The following SBK1 variants were observed in gnomAD, a reference collection of about 807,000 sequenced individuals.
The protein encoded by SBK1 is serine/threonine-protein kinase SBK1.
A neutral mutation model predicts 24.4 loss-of-function variants in SBK1; 11 were observed. That is an observed-to-expected ratio of 0.45 (90% CI 0.28 to 0.75). SBK1 has a LOEUF of 0.75. Among genes scored for constraint, SBK1 ranks in the 30% least tolerant of loss-of-function variants. The pLI is 0.12. For synonymous variants in SBK1, 308 were observed against 284.4 expected, an observed-to-expected ratio of 1.08 and a Z score of -0.83; for missense variants, 467 against 620.5, an observed-to-expected ratio of 0.75 and a Z score of 2.63.
rs1029809838 is a variant in SBK1, at chr16:28,320,792, A to G, written c.1146A>G (p.Pro382=). 15 of 1,420,252 alleles carry G rather than the reference A, an allele frequency of 1.1e-5. No individual in the cohort carries two copies. The highest frequency in any genetic ancestry group is 7.7e-5 in the African/African-American group (5 of 65,358). 88.0% of individuals were successfully genotyped at this position (1,420,252 alleles called of 1,614,324 possible). Residue 382 remains proline (P), a synonymous_variant, in exon 4 of 4, where the codon CCA becomes CCG. Coordinates refer to ENST00000341901, the MANE Select transcript of SBK1 (RefSeq NM_001024401.3). The surrounding 1 kb of genome is among the most constrained non-coding windows in gnomAD (Gnocchi z 8.5). ...CCTTGCCCGTGCCGGTGCCGGTGCCAGTGCCCGTGCCGGTGCCTGTGCCCG... is the reference window on the plus strand; with the variant it reads ...CCTTGCCCGTGCCGGTGCCGGTGCCGGTGCCCGTGCCGGTGCCTGTGCCCG... ...SVPLPVPVPV[P]VPVPVPVPEP... is the part of the protein sequence containing the mutation.
At chr16:28,287,391 G>A (rs1215179344) in intron 1 of SBK1, among the ~76,000 whole-genome samples, 1 of 150,752 alleles carries the variant, frequency 6.6e-6, no homozygotes, top group East Asian at 1.9e-4. Flanking sequence ...GGAGGCTGCA[G>A]TGAGCCGAGA....
chr16:28,274,357 C>T (rs1174450518), intron 1 of SBK1, among the ~76,000 whole-genome samples: 1 of 151,876 alleles, frequency 6.6e-6, no homozygotes, highest in African/African-American at 2.4e-5. Flanking sequence ...AATTCAAACG[C>T]GTTCTGCTCA....
chr16:28,310,209 G>A (rs527475313), intron 1 of SBK1, among the ~76,000 whole-genome samples: 1 of 152,316 alleles, frequency 6.6e-6, no homozygotes, highest in Admixed American at 6.5e-5. Flanking sequence ...AGGTGTGTGC[G>A]CCCTTCCTCC....
chr16:28,297,789 T>G (rs1201021131), intron 1 of SBK1, among the ~76,000 whole-genome samples: 2 of 152,170 alleles, frequency 1.3e-5, no homozygotes, highest in African/African-American at 2.4e-5. Flanking sequence ...CAGTTACTCT[T>G]CCTTGGGAGC....
At chr16:28,309,049 C>T (rs929857731) in intron 1 of SBK1, among the ~76,000 whole-genome samples, 4 of 152,092 alleles carry the variant, frequency 2.6e-5, no homozygotes, top group South Asian at 2.1e-4. Context: ...CAAACATGAT[C>T]GAAGTTTCCC....
chr16:28,303,932 C>T (rs1404587184), intron 1 of SBK1, among the ~76,000 whole-genome samples: 1 of 152,092 alleles, frequency 6.6e-6, no homozygotes, highest in African/African-American at 2.4e-5. Context: ...TGTGTTTCAC[C>T]AAGAAGCAGC....
intron 1 of SBK1, among the ~76,000 whole-genome samples, chr16:28,309,691 G>A (rs2044740907): frequency 6.6e-6 from 1 of 152,148 alleles, no homozygotes; most frequent in Non-Finnish European, 1.5e-5. Context: ...GAGCCTGGGG[G>A]TTCAAGACCA....
chr16:28,260,569 T>A (rs563333645), intron 1 of SBK1, among the ~76,000 whole-genome samples: 1 of 152,224 alleles, frequency 6.6e-6, no homozygotes, highest in East Asian at 1.9e-4. Flanking sequence ...CTGGGCTGGG[T>A]TCCTCCCTGA....
intron 1 of SBK1, among the ~76,000 whole-genome samples, chr16:28,282,316 G>A (rs934252618): frequency 2.0e-5 from 3 of 152,088 alleles, no homozygotes; most frequent in African/African-American, 7.2e-5. Context: ...GCTGCCGGGT[G>A]GGCTCTGGGG....
rs1567670320 is a variant in SBK1, at chr16:28,271,647, CAAATAA to C, written c.257+12146_257+12151del. Among the ~76,000 whole-genome samples the C allele has an allele frequency of 2.0e-5, 3 of 152,220 alleles. No homozygotes were observed. The East Asian group carries it at 5.8e-4, about 29-fold the overall frequency. On this transcript the variant is annotated intron_variant, in intron 1 of 3. Transcript: ENST00000671413. ...AGAAGAGAATCTCGCAGTTCACACT[CAAATAA>C]GAGAAGAGATCTCTTCAAGGAGATG...
intron 1 of SBK1, among the ~76,000 whole-genome samples, chr16:28,266,946 G>A (rs536338651): frequency 4.4e-4 from 67 of 151,542 alleles, no homozygotes; most frequent in African/African-American, 1.5e-3. Context: ...TCACTCTGTC[G>A]CCCAGGCTGG....
intron 1 of SBK1, among the ~76,000 whole-genome samples, chr16:28,282,847 T>G (rs1223442846): frequency 6.6e-6 from 1 of 152,130 alleles, no homozygotes; most frequent in Non-Finnish European, 1.5e-5. Context: ...TACCCTGGGG[T>G]GCTGAGGAAA....
chr16:28,317,215 G>T lies in SBK1; in HGVS notation c.-7-170G>T, dbSNP rs2044803364. 6.6e-6 allele frequency among the ~76,000 whole-genome samples: 1 copy of T among 152,204 alleles called. No individual in the cohort carries two copies. Among genetic ancestry groups the T allele is most frequent in the Non-Finnish European group, 1.5e-5 (1 of 68,042 alleles). On this transcript the variant is annotated intron_variant, in intron 1 of 3. Coordinates refer to ENST00000341901, the MANE Select transcript of SBK1 (RefSeq NM_001024401.3). The surrounding 1 kb of genome is among the most constrained non-coding windows in gnomAD (Gnocchi z 4.2). ...AGCTGACTCAGGCCTGGCCCCTGAG[G>T]CTTTGGGGAAGGCGACGCGACCAAG...
intron 1 of SBK1, among the ~76,000 whole-genome samples, chr16:28,281,751 G>C (rs1252518959): frequency 1.3e-5 from 2 of 152,190 alleles, no homozygotes; most frequent in Non-Finnish European, 2.9e-5. Context: ...TTAGAACTCA[G>C]CCTGGCACAA....
intron 1 of SBK1, chr16:28,285,042 GC>G (rs1295861971): frequency 1.3e-5 from 2 of 152,206 alleles, no homozygotes; most frequent in East Asian, 3.9e-4. Flanking sequence ...GACTTTGTGG[GC>G]CCCAGCAATC....
At position 28,318,721 on chromosome 16, in the gene SBK1, A is replaced by C. The variant is rs570114445; in HGVS notation, c.227-274A>C. Among the ~76,000 whole-genome samples, 14 of 152,328 alleles carry C rather than the reference A, an allele frequency of 9.2e-5. No homozygotes were observed. The South Asian group carries it at 2.9e-3, about 32-fold the overall frequency. ...CAAGATAAATAAGCATATGGCGGGCAGGACAAAATGAGAGAGGTGGAGGGC... is the reference window on the plus strand; with the variant it reads ...CAAGATAAATAAGCATATGGCGGGCCGGACAAAATGAGAGAGGTGGAGGGC... On this transcript the variant is annotated intron_variant, in intron 2 of 3. Transcript: ENST00000341901.
intron 1 of SBK1, among the ~76,000 whole-genome samples, chr16:28,275,264 A>AG (rs2044489047): frequency 5.9e-5 from 9 of 152,206 alleles, no homozygotes; most frequent in Admixed American, 5.9e-4. Context: ...AGCCGTGATC[A>AG]CACCAATGCA....
At chr16:28,270,420 T>TTATTATTAC (rs1229272631) in intron 1 of SBK1, among the ~76,000 whole-genome samples, 1 of 150,306 alleles carries the variant, frequency 6.7e-6, no homozygotes, top group Non-Finnish European at 1.5e-5. Flanking sequence ...ATTATTATTA[T>TTATTATTAC]TATTATTATT....
chr16:28,320,051 C>G lies in SBK1; in HGVS notation c.430-25C>G, dbSNP rs754902900. 1.4e-5 allele frequency: 21 copies of G among 1,459,566 alleles called. No homozygotes were observed. The highest frequency in any genetic ancestry group is 1.9e-5 in the Non-Finnish European group (21 of 1,112,534). The allele number at this position is 1,459,566 out of a possible 1,614,324, so 90.4% of individuals were successfully genotyped here. A position where few individuals can be genotyped will look rare whatever the true frequency, so the allele number is the denominator to read the frequency against. On this transcript the variant is annotated intron_variant, in intron 3 of 3. Transcript: ENST00000341901. This position sits in a 1 kb window ranked among gnomAD's most constrained non-coding sequence, Gnocchi z 8.5. ...GCGGGCGCTGGAGAGCTGGAAACAG[C>G]GCGGCTTCCCCCGGCCGCCCGCAGG...
Sources: gnomAD v4.1 joint callset for allele counts (sites outside exome capture counted in the v4.1 genomes callset) on GRCh38, gnomAD v4.1.1 for gene constraint, Gnocchi (gnomAD v3.1) non-coding constraint, MANE v1.5 for transcripts, NCBI Gene and HGNC (gene_info 2026-07-23, HGNC 2026-07-21) for gene names.